The following UGT1A8 variants were observed in gnomAD, a reference collection of about 807,000 sequenced individuals.
The protein encoded by UGT1A8 is UDP glucuronosyltransferase family 1 member A8, also known as UDP-glucuronosyltransferase 1A8.
A neutral mutation model predicts 45.3 loss-of-function variants in UGT1A8; 39 were observed. The ratio of observed to expected loss-of-function variants is 0.86; its 90% CI spans 0.67 to 1.12. UGT1A8 has a LOEUF of 1.12. UGT1A8 is among the 50% of genes most tolerant of loss of function. The pLI, the probability that UGT1A8 is intolerant of heterozygous loss-of-function variation, is 0.00. For synonymous variants in UGT1A8, 275 were observed against 249.2 expected (o/e 1.10, Z -0.97); for missense variants, 719 against 664.9 (o/e 1.08, Z -0.90).
intron 1 of UGT1A8, among the ~76,000 whole-genome samples, chr2:233,696,879 A>G (rs566560461): frequency 1.3e-5 from 2 of 152,306 alleles, no homozygotes; most frequent in African/African-American, 2.4e-5. Flanking sequence ...TCTACAACAT[A>G]TGAGTTCTGT....
chr2:233,731,014 G>A (rs759586462), intron 1 of UGT1A8, among the ~76,000 whole-genome samples: 7 of 152,190 alleles, frequency 4.6e-5, no homozygotes, highest in Non-Finnish European at 7.3e-5. Context: ...TACATCGTGA[G>A]AGAATCAGCC....
At chr2:233,722,092 G>C (rs2076989612) in intron 1 of UGT1A8, 1 of 213,864 alleles carries the variant, frequency 4.7e-6, no homozygotes, top group African/African-American at 2.3e-5. Context: ...GATCACCTTA[G>C]GCCTCTTAGA....
At chr2:233,760,473 T>C (rs2125984600) in intron 1 of UGT1A8, 2 of 1,614,230 alleles carry the variant, frequency 1.2e-6, no homozygotes, top group Non-Finnish European at 1.7e-6. Flanking sequence ...TCCTAGCACC[T>C]GACGCCTCGT....
chr2:233,636,603 G>T lies in UGT1A8; in HGVS notation c.855+18041G>T, dbSNP rs756639282. ...CCTGTGGCTTTGCCGAGGCAGGGAA[G>T]CTGCTGGTAGTGCCCATGGATGGGA... On this transcript the variant is annotated intron_variant, in intron 1 of 4. Transcript: ENST00000373450. The T allele has an allele frequency of 3.7e-6, 6 of 1,614,062 alleles. No individual in the cohort carries two copies. The highest frequency in any genetic ancestry group is 3.3e-4 in the Middle Eastern group (2 of 6,082).
At chr2:233,686,034 T>C (rs1448125769) in intron 1 of UGT1A8, among the ~76,000 whole-genome samples, 1 of 152,170 alleles carries the variant, frequency 6.6e-6, no homozygotes, top group Non-Finnish European at 1.5e-5. Context: ...GCCAAGAGCA[T>C]TGAAATGGCA....
chr2:233,724,510 A>G (rs868470469), intron 1 of UGT1A8, among the ~76,000 whole-genome samples: 2,447 of 111,674 alleles, frequency 0.022, 174 homozygotes, highest in African/African-American at 0.087. Context: ...GACGCTCCTC[A>G]CCTCCCAGAT....
intron 1 of UGT1A8, among the ~76,000 whole-genome samples, chr2:233,764,582 C>G (rs1698598624): frequency 6.6e-6 from 1 of 152,122 alleles, no homozygotes; most frequent in South Asian, 2.1e-4. Context: ...TAGACTCGGC[C>G]TTTTCCAGAT....
intron 1 of UGT1A8, among the ~76,000 whole-genome samples, chr2:233,653,928 A>G (rs1009079): frequency 2.6e-5 from 4 of 152,234 alleles, no homozygotes; most frequent in Non-Finnish European, 5.9e-5. Context: ...ATGCAGATGT[A>G]CAAAAGGGAC....
intron 1 of UGT1A8, among the ~76,000 whole-genome samples, chr2:233,666,020 G>T (rs2074069634): frequency 6.6e-6 from 1 of 152,170 alleles, no homozygotes; most frequent in Admixed American, 6.5e-5. Context: ...TGTTTATTTG[G>T]CTGGTGGTTC....
rs145878694 is a variant in UGT1A8, at chr2:233,769,172, G to A, written c.1295+733G>A. On this transcript the variant is annotated intron_variant, in intron 4 of 4. Transcript: ENST00000373450. The surrounding 1 kb of genome is among the most constrained non-coding windows in gnomAD (Gnocchi z 4.4). ...GAACCTGTGAGAAATTTTGTCCATG[G>A]AGTTTATGAATGAAGGAGCTATAAG... Among the ~76,000 whole-genome samples the A allele has an allele frequency of 2.1e-4, 32 of 152,304 alleles. No homozygotes were observed. The East Asian group carries it at 5.0e-3, about 24-fold the overall frequency.
chr2:233,672,694 C>T (rs772500318), intron 1 of UGT1A8: 59 of 1,613,794 alleles, frequency 3.7e-5, no homozygotes, highest in Middle Eastern at 1.6e-4. Context: ...TTGGTTGTTG[C>T]GAACGGACTT....
intron 1 of UGT1A8, chr2:233,718,978 C>A (rs200639166): frequency 6.2e-7 from 1 of 1,614,096 alleles, no homozygotes; most frequent in Non-Finnish European, 8.5e-7. Flanking sequence ...GAGCTCCATG[C>A]CAGAGGCCAC....
intron 1 of UGT1A8, among the ~76,000 whole-genome samples, chr2:233,650,137 A>G (rs989532940): frequency 2.0e-5 from 3 of 152,024 alleles, no homozygotes; most frequent in African/African-American, 7.2e-5. Flanking sequence ...CACCCAGCTA[A>G]TTTTGTAATT....
chr2:233,713,105 C>T (rs1300950755), intron 1 of UGT1A8: 1 of 1,614,094 alleles, frequency 6.2e-7, no homozygotes, highest in African/African-American at 1.3e-5. Flanking sequence ...CCACTGATGG[C>T]AGCCACTGGC....
At chr2:233,700,813 C>CAT (rs2075589414) in intron 1 of UGT1A8, among the ~76,000 whole-genome samples, 1 of 151,890 alleles carries the variant, frequency 6.6e-6, no homozygotes, top group African/African-American at 2.4e-5. Context: ...TGTTGGTGTG[C>CAT]TGCACCCATT....
At chr2:233,719,345 C>A in intron 1 of UGT1A8, 1 of 1,613,904 alleles carries the variant, frequency 6.2e-7, no homozygotes, top group Non-Finnish European at 8.5e-7. Context: ...TTTGGAGGTA[C>A]ATTCCATGTG....
chr2:233,672,349 G>A lies in UGT1A8; in HGVS notation c.855+53787G>A, dbSNP rs760431451. ...CAAAAAATTAGTAGAATACTTAAAGGAGAGTTCTTTTGATGCAGTGTTTCT... is the reference window on the plus strand; with the variant it reads ...CAAAAAATTAGTAGAATACTTAAAGAAGAGTTCTTTTGATGCAGTGTTTCT... On this transcript the variant is annotated intron_variant, in intron 1 of 4. Transcript: ENST00000373450. 4 of 1,614,098 alleles carry A rather than the reference G, an allele frequency of 2.5e-6. No homozygotes were observed. In the South Asian group the frequency reaches 3.3e-5, roughly 13 times the overall value.
chr2:233,649,336 T>G (rs1425874354), intron 1 of UGT1A8, among the ~76,000 whole-genome samples: 2 of 152,218 alleles, frequency 1.3e-5, no homozygotes, highest in Non-Finnish European at 2.9e-5. Flanking sequence ...TCCTCCTATC[T>G]AAGCCTTCCA....
At chr2:233,618,680 T>C (rs1450907851) in intron 1 of UGT1A8, 118 bp downstream of exon 1, 2 of 1,504,934 alleles carry the variant, frequency 1.3e-6, no homozygotes, top group African/African-American at 1.4e-5. Flanking sequence ...TTCTTTCCAG[T>C]TTAACAGATT....
Sources: gnomAD v4.1 joint callset for allele counts (sites outside exome capture counted in the v4.1 genomes callset) on GRCh38, gnomAD v4.1.1 for gene constraint, Gnocchi (gnomAD v3.1) non-coding constraint, MANE v1.5 for transcripts, NCBI Gene and HGNC (gene_info 2026-07-23, HGNC 2026-07-21) for gene names.